CDK8: variants seen among roughly 807,000 people sequenced by gnomAD.
CDK8 encodes cyclin dependent kinase 8.
A neutral mutation model predicts 71.5 loss-of-function variants in CDK8; 29 were observed. The observed-to-expected ratio is 0.41, with a 90% confidence interval of 0.30 to 0.55. CDK8 has a LOEUF of 0.55. Ranked by LOEUF, CDK8 falls within the 20% of genes least tolerant of loss-of-function variation. The pLI is 0.37. For missense variants in CDK8, 288 were observed against 572.6 expected, an observed-to-expected ratio of 0.50 and a Z score of 5.07; for synonymous variants, 161 against 192.1, an observed-to-expected ratio of 0.84 and a Z score of 1.34.
chr13:26,302,021 C>A (rs1019219570), intron 1 of CDK8, among the ~76,000 whole-genome samples: 2 of 152,130 alleles, frequency 1.3e-5, no homozygotes, highest in Admixed American at 1.3e-4. Flanking sequence ...AGAGTGCGGA[C>A]CCATCTGTGT....
chr13:26,337,712 A>G (rs1185778896), intron 2 of CDK8, 70 bp downstream of exon 2: 7 of 572,658 alleles, frequency 1.2e-5, no homozygotes, highest in South Asian at 4.6e-5. Context: ...AAGGCTCTGT[A>G]TTGTATTTGT....
At chr13:26,384,774 T>C (rs1047492086) in intron 5 of CDK8, among the ~76,000 whole-genome samples, 1 of 152,218 alleles carries the variant, frequency 6.6e-6, no homozygotes. Flanking sequence ...GTTAAAATAT[T>C]GCATAGTCAG....
intron 5 of CDK8, 133 bp downstream of exon 5, chr13:26,383,004 A>G (rs555878350): frequency 3.9e-6 from 2 of 509,746 alleles, no homozygotes; most frequent in South Asian, 7.1e-5. Context: ...ATTTCTAAAG[A>G]GTATGCATAA....
At chr13:26,339,357 A>G (rs1193340481) in intron 2 of CDK8, among the ~76,000 whole-genome samples, 1 of 152,038 alleles carries the variant, frequency 6.6e-6, no homozygotes, top group Non-Finnish European at 1.5e-5. Context: ...ATTTTTGGAA[A>G]ACATCCTTTG....
At chr13:26,402,816 G>T (rs916676139) in intron 12 of CDK8, among the ~76,000 whole-genome samples, 7 of 152,220 alleles carry the variant, frequency 4.6e-5, no homozygotes, top group African/African-American at 1.7e-4. Flanking sequence ...CTGGAACCGA[G>T]AAAATGATGC....
intron 3 of CDK8, 62 bp downstream of exon 3, chr13:26,349,244 CAGTT>C (rs3831150): frequency 0.037 from 32,777 of 878,566 alleles, 1,175 homozygotes; most frequent in African/African-American, 0.12. Context: ...TAACTAAAAA[CAGTT>C]AGGTGTTCTG....
chr13:26,341,029 A>G (rs1446443055), intron 2 of CDK8, among the ~76,000 whole-genome samples: 1 of 152,216 alleles, frequency 6.6e-6, no homozygotes, highest in Non-Finnish European at 1.5e-5. Flanking sequence ...GTGAATCATC[A>G]GTATTCCACA....
intron 9 of CDK8, among the ~76,000 whole-genome samples, chr13:26,398,074 C>T (rs542448628): frequency 3.4e-4 from 52 of 152,240 alleles, no homozygotes; most frequent in African/African-American, 1.2e-3. Flanking sequence ...CTTTGTTTCT[C>T]CTTTTTCTTC....
intron 1 of CDK8, among the ~76,000 whole-genome samples, chr13:26,318,455 C>T (rs765688109): frequency 2.6e-5 from 4 of 152,088 alleles, no homozygotes; most frequent in African/African-American, 7.2e-5. Context: ...AGCATTACCC[C>T]GGTACCAAAG....
chr13:26,256,158 G>A (rs549590250), intron 1 of CDK8, among the ~76,000 whole-genome samples: 45 of 152,256 alleles, frequency 3.0e-4, no homozygotes, highest in African/African-American at 1.1e-3. Flanking sequence ...TATTCTGGGC[G>A]CCGCACGTAT....
At chr13:26,388,586 T>C (rs990942372) in intron 6 of CDK8, among the ~76,000 whole-genome samples, 1 of 152,242 alleles carries the variant, frequency 6.6e-6, no homozygotes, top group Non-Finnish European at 1.5e-5. Flanking sequence ...CTTGAATTTA[T>C]TTAAATTGAG....
chr13:26,289,921 T>G (rs1276617635), intron 1 of CDK8, among the ~76,000 whole-genome samples: 1 of 152,242 alleles, frequency 6.6e-6, no homozygotes, highest in South Asian at 2.1e-4. Context: ...CCTAAGATCT[T>G]TCTACTGTGA....
chr13:26,372,393 C>T (rs904844334), intron 4 of CDK8, among the ~76,000 whole-genome samples: 3 of 151,928 alleles, frequency 2.0e-5, no homozygotes, highest in South Asian at 2.1e-4. Flanking sequence ...ACTTTTTGAA[C>T]GTATTAGAAA....
chr13:26,309,576 A>G (rs1198324089), intron 1 of CDK8, among the ~76,000 whole-genome samples: 2 of 152,076 alleles, frequency 1.3e-5, no homozygotes, highest in Non-Finnish European at 2.9e-5. Flanking sequence ...CTTCTACCAC[A>G]AAGTTCCTCA....
At chr13:26,403,479 G>A (rs1876361939) in intron 12 of CDK8, among the ~76,000 whole-genome samples, 1 of 152,088 alleles carries the variant, frequency 6.6e-6, no homozygotes, top group Non-Finnish European at 1.5e-5. Context: ...AGTTTAAAGG[G>A]CATAAAAATG....
At chr13:26,305,958 C>T (rs918496412) in intron 1 of CDK8, among the ~76,000 whole-genome samples, 2 of 152,068 alleles carry the variant, frequency 1.3e-5, no homozygotes, top group Admixed American at 1.3e-4. Flanking sequence ...GTTGTCTTCT[C>T]TCTTCATGTG....
chr13:26,389,974 G>A (rs150048479), intron 6 of CDK8, among the ~76,000 whole-genome samples: 36 of 152,062 alleles, frequency 2.4e-4, no homozygotes, highest in African/African-American at 8.4e-4. Flanking sequence ...CTTCAGCCTG[G>A]GTGGCAGAGC....
chr13:26,283,759 G>A lies in CDK8; in HGVS notation c.128+28990G>A, dbSNP rs142188432. Among the ~76,000 whole-genome samples, 802 of 152,078 alleles carry A rather than the reference G, an allele frequency of 5.3e-3. 2 individuals are homozygous for A. The highest frequency in any genetic ancestry group is 8.0e-3 in the Non-Finnish European group (546 of 67,970). On this transcript the variant is annotated intron_variant, in intron 1 of 12. Coordinates refer to ENST00000381527, the MANE Select transcript of CDK8 (RefSeq NM_001260.3). ...CTAAAATACAAAAAATTAGCCAGCC[G>A]TGGTGGCGTGCGCCTATAGTCCCAG...
chr13:26,355,435 G>A (rs1364379547), intron 4 of CDK8, among the ~76,000 whole-genome samples: 4 of 151,272 alleles, frequency 2.6e-5, no homozygotes, highest in African/African-American at 7.4e-5. Context: ...CCAAGATGGT[G>A]AAACCCCGTC....
Sources: gnomAD v4.1 joint callset for allele counts (sites outside exome capture counted in the v4.1 genomes callset) on GRCh38, gnomAD v4.1.1 for gene constraint, MANE v1.5 for transcripts, NCBI Gene and HGNC (gene_info 2026-07-23, HGNC 2026-07-21) for gene names.